The following KLF13 variants were observed in gnomAD, a reference collection of about 807,000 sequenced individuals.
KLF13 encodes the protein Krueppel-like factor 13.
KLF13 carries 8 observed loss-of-function variants against 16.7 expected under a neutral mutation model. The observed-to-expected ratio is 0.48, with a 90% confidence interval of 0.28 to 0.87. The LOEUF is 0.87. Ranked by LOEUF, KLF13 falls within the 40% of genes least tolerant of loss-of-function variation. KLF13 has a pLI of 0.10. For missense variants in KLF13, 447 were observed against 452.2 expected, an observed-to-expected ratio of 0.99 and a Z score of 0.10; for synonymous variants, 245 against 208.4, an observed-to-expected ratio of 1.18 and a Z score of -1.51.
chr15:31,388,854 CT>C (rs775140687), upstream of KLF13, among the ~76,000 whole-genome samples: 1,175 of 129,842 alleles, frequency 9.0e-3, 8 homozygotes, highest in African/African-American at 0.018. Flanking sequence ...TGGGATTAAA[CT>C]TTTTTTTTTT....
chr15:31,379,255 C>T, downstream of KLF13, among the ~76,000 whole-genome samples: 1 of 152,122 alleles, frequency 6.6e-6, no homozygotes, highest in Non-Finnish European at 1.5e-5. Flanking sequence ...ATTTTTCAAA[C>T]AAAGTCTTTT....
At chr15:31,433,599 C>T (rs1289006308) in intron 1 of KLF13, among the ~76,000 whole-genome samples, 2 of 152,132 alleles carry the variant, frequency 1.3e-5, no homozygotes, top group African/African-American at 2.4e-5. Flanking sequence ...TTCCCACCTC[C>T]CGTTCTACTG....
downstream of KLF13, among the ~76,000 whole-genome samples, chr15:31,405,971 T>G (rs1218167503): frequency 6.6e-6 from 1 of 152,056 alleles, no homozygotes; most frequent in Non-Finnish European, 1.5e-5. Context: ...AGATGTTGCA[T>G]CCACAAAACA....
chr15:31,371,881 C>T, intron 1 of KLF13, 129 bp from the exon 2 acceptor site: 1 of 1,051,950 alleles, frequency 9.5e-7, no homozygotes. Flanking sequence ...GTCACAGAAG[C>T]TCTTGGAGGT....
intron 1 of KLF13, among the ~76,000 whole-genome samples, chr15:31,348,685 C>T (rs539167327): frequency 4.6e-5 from 7 of 152,162 alleles, no homozygotes; most frequent in East Asian, 3.9e-4. Context: ...TGGGGTGTCT[C>T]GGTGCTGGCA....
At chr15:31,359,445 C>T (rs1326499978) in intron 1 of KLF13, among the ~76,000 whole-genome samples, 1 of 152,170 alleles carries the variant, frequency 6.6e-6, no homozygotes, top group Non-Finnish European at 1.5e-5. Context: ...CTATTCCCTT[C>T]TTAGGGATTG....
intron 1 of KLF13, among the ~76,000 whole-genome samples, chr15:31,370,051 T>A (rs112946535): frequency 6.7e-6 from 1 of 150,140 alleles, no homozygotes; most frequent in Non-Finnish European, 1.5e-5. Context: ...TTTCTTTTTT[T>A]TTTTTTTTTT....
In KLF13 at chr15:31,327,289, G is replaced by A; in HGVS notation, c.77G>A (p.Gly26Glu). 1 of 1,317,262 alleles carries A rather than the reference G, an allele frequency of 7.6e-7. No homozygotes were observed. The allele number at this position is 1,317,262 out of a possible 1,614,324, so 81.6% of individuals were successfully genotyped here. Reference sequence around the variant, plus strand: ...ATGTCGAGCCGCGCGGTCGTGCACGGGCCGCGGGAGGGGCCGGAGTCCCGG... The same window carrying A: ...ATGTCGAGCCGCGCGGTCGTGCACGAGCCGCGGGAGGGGCCGGAGTCCCGG... Reference protein sequence around the residue: ...VSMSSRAVVHGPREGPESRPE... With the variant: ...VSMSSRAVVHEPREGPESRPE... Residue 26 changes from glycine (G) to glutamate (E), a missense_variant, in exon 1 of 2, where the codon GGG (glycine) becomes GAG (glutamate). Coordinates refer to ENST00000307145, the MANE Select transcript of KLF13 (RefSeq NM_015995.4).
At chr15:31,414,193 T>G (rs927530881) in intron 1 of KLF13, among the ~76,000 whole-genome samples, 2 of 152,044 alleles carry the variant, frequency 1.3e-5, no homozygotes, top group Non-Finnish European at 2.9e-5. Flanking sequence ...TGGTAGGCCC[T>G]AGAGCAACCA....
At chr15:31,433,340 C>G (rs1174736827) in intron 1 of KLF13, among the ~76,000 whole-genome samples, 2 of 152,108 alleles carry the variant, frequency 1.3e-5, no homozygotes, top group Non-Finnish European at 2.9e-5. Flanking sequence ...TCTCCACACA[C>G]ATGAGGTGAA....
At chr15:31,370,657 G>C (rs570887464) in intron 1 of KLF13, among the ~76,000 whole-genome samples, 41 of 152,200 alleles carry the variant, frequency 2.7e-4, no homozygotes, top group Non-Finnish European at 5.4e-4. Flanking sequence ...GATCTCAAGT[G>C]ATCCACCCGC....
intron 1 of KLF13, among the ~76,000 whole-genome samples, chr15:31,428,820 A>AAAAAAAAAAAAAAAAAAG (rs61521558): frequency 1.2e-3 from 86 of 72,658 alleles, no homozygotes; most frequent in East Asian, 1.6e-3. Flanking sequence ...AAAAAAAAAA[A>AAAAAAAAAAAAAAAAAAG]AAAAAGAAAA....
Position 31,327,089 on chromosome 15 carries a change from CAG to C in KLF13, c.-123_-122del. On this transcript the variant is annotated 5_prime_UTR_variant, in exon 1 of 2. Coordinates refer to ENST00000307145, the MANE Select transcript of KLF13 (RefSeq NM_015995.4). ...AGGCGGCTGCGCGCCCAGCCCAGCC[CAG>C]CCCAGCCCGAGGAGAGGGCGCGCCG... 1 of 881,544 alleles carries C rather than the reference CAG, an allele frequency of 1.1e-6. No homozygotes were observed. Among genetic ancestry groups the C allele is most frequent in the Non-Finnish European group, 1.4e-6 (1 of 700,720 alleles). 54.6% of individuals were successfully genotyped at this position (881,544 alleles called of 1,614,324 possible).
downstream of KLF13, chr15:31,404,794 C>T (rs1444145454): frequency 1.3e-5 from 2 of 152,374 alleles, no homozygotes; most frequent in African/African-American, 2.4e-5. Flanking sequence ...GGACTTCATT[C>T]TTGCGGTCAG....
At chr15:31,411,836 A>G (rs1030557992) in intron 1 of KLF13, among the ~76,000 whole-genome samples, 9 of 152,248 alleles carry the variant, frequency 5.9e-5, no homozygotes, top group African/African-American at 2.2e-4. Flanking sequence ...TGAAATAAAT[A>G]GGACATTTCT....
intron 1 of KLF13, among the ~76,000 whole-genome samples, chr15:31,354,966 C>T (rs892625967): frequency 3.3e-5 from 5 of 152,160 alleles, no homozygotes; most frequent in African/African-American, 1.2e-4. Context: ...TGAAGTCACC[C>T]CACATGACTT....
intron 1 of KLF13, among the ~76,000 whole-genome samples, chr15:31,328,035 G>A (rs1209314176): frequency 6.8e-6 from 1 of 147,004 alleles, no homozygotes; most frequent in Non-Finnish European, 1.5e-5. Flanking sequence ...CCCCCTCCCC[G>A]GGCGCGCTCG....
rs368535761 is a variant in KLF13, at chr15:31,330,516, G to A, written c.577+2727G>A. Among the ~76,000 whole-genome samples, 21 of 152,322 alleles carry A rather than the reference G, an allele frequency of 1.4e-4. No homozygotes were observed. The South Asian group carries it at 4.3e-3, about 32-fold the overall frequency. The stretch of plus-strand genomic sequence containing the variant: ...CCTGACCACCTGCAAAGTCTTCAGG[G>A]ACATGAGGTCAAGTATGTGAAGACC... On this transcript the variant is annotated intron_variant, in intron 1 of 1. Transcript: ENST00000307145.
chr15:31,343,336 G>C (rs888299217), intron 1 of KLF13, among the ~76,000 whole-genome samples: 2 of 152,250 alleles, frequency 1.3e-5, no homozygotes, highest in African/African-American at 4.8e-5. Flanking sequence ...CTTGCCCCCA[G>C]CCGTAAGGCG....
Sources: gnomAD v4.1 joint callset for allele counts (sites outside exome capture counted in the v4.1 genomes callset) on GRCh38, gnomAD v4.1.1 for gene constraint, MANE v1.5 for transcripts, NCBI Gene and HGNC (gene_info 2026-07-23, HGNC 2026-07-21) for gene names.